The following NMNAT3 variants were observed in gnomAD, a reference collection of about 807,000 sequenced individuals.
NMNAT3 encodes the protein nicotinamide/nicotinic acid mononucleotide adenylyltransferase 3.
NMNAT3 carries 21 observed loss-of-function variants against 24.8 expected under a neutral mutation model. The observed-to-expected ratio is 0.85, with a 90% CI of 0.60 to 1.22. The LOEUF is 1.22. NMNAT3 is among the 50% of genes most tolerant of loss of function. NMNAT3 has a pLI of 0.00. For missense variants in NMNAT3, 387 were observed against 436.6 expected (o/e 0.89, Z 1.01); for synonymous variants, 136 against 155.2 (o/e 0.88, Z 0.92).
chr3:139,612,771 G>A (rs148574496), intron 3 of NMNAT3, among the ~76,000 whole-genome samples: 1 of 152,234 alleles, frequency 6.6e-6, no homozygotes, highest in African/African-American at 2.4e-5. Flanking sequence ...GCATGGTACT[G>A]GTACCAAAAC....
In NMNAT3 at chr3:139,654,657, T is replaced by C. The variant is rs573797901; in HGVS notation, c.-140-16595A>G. Among the ~76,000 whole-genome samples the C allele has an allele frequency of 1.8e-4, 27 of 152,294 alleles. No individual in the cohort carries two copies. The South Asian group carries it at 5.4e-3, about 30-fold the overall frequency. On this transcript the variant is annotated intron_variant, in intron 1 of 6. Transcript: ENST00000643695. ...ATCCAACCTAAGCCTATCACAAAAA[T>C]GAACACAGACACAGAGGACCCAAGC...
intron 3 of NMNAT3, among the ~76,000 whole-genome samples, chr3:139,615,865 TC>T (rs2108273288): frequency 5.3e-5 from 1 of 18,710 alleles, no homozygotes; most frequent in South Asian, 0.062. Context: ...ATTTCTAGCT[TC>T]TTGTGTGGGA....
At chr3:139,625,803 A>C (rs1444287845) in intron 3 of NMNAT3, among the ~76,000 whole-genome samples, 1 of 152,112 alleles carries the variant, frequency 6.6e-6, no homozygotes, top group Non-Finnish European at 1.5e-5. Context: ...TGCCTGAAGA[A>C]TTTAGCATTT....
intron 1 of NMNAT3, among the ~76,000 whole-genome samples, chr3:139,651,015 T>A: frequency 6.6e-6 from 1 of 152,212 alleles, no homozygotes; most frequent in East Asian, 1.9e-4. Context: ...TCTTCCTTAC[T>A]TTGATACCTC....
rs1215449495 is a variant in NMNAT3, at chr3:139,622,766, T to TG, written c.109+4849_109+4850insC. Among the ~76,000 whole-genome samples, 330 of 142,966 alleles carry TG rather than the reference T, an allele frequency of 2.3e-3. 1 individual carries two copies. The highest frequency in any genetic ancestry group is 7.8e-3 in the African/African-American group (303 of 38,974). 93.8% of individuals were successfully genotyped at this position (142,966 alleles called of 152,430 possible). A position where few individuals can be genotyped will look rare whatever the true frequency, so the allele number is the denominator to read the frequency against. Reference sequence around the variant, plus strand: ...AAAGTGTGTGTGTATATATATCATATATATCATATATATGATATATATATG... The same window carrying TG: ...AAAGTGTGTGTGTATATATATCATATGATATCATATATATGATATATATATG... On this transcript the variant is annotated intron_variant, in intron 3 of 6. Coordinates refer to ENST00000643695, the MANE Select transcript of NMNAT3 (RefSeq NM_001320510.2).
chr3:139,661,014 CATA>C (rs2057398100), intron 1 of NMNAT3, among the ~76,000 whole-genome samples: 3 of 152,042 alleles, frequency 2.0e-5, no homozygotes, highest in Admixed American at 2.0e-4. Context: ...TTTTTTGTAT[CATA>C]ATACAGTAAA....
chr3:139,608,366 T>C (rs1337702392), intron 3 of NMNAT3, among the ~76,000 whole-genome samples: 1 of 152,126 alleles, frequency 6.6e-6, no homozygotes, highest in Non-Finnish European at 1.5e-5. Context: ...ACCCCTCCAG[T>C]CCTCAAGTTT....
intron 1 of NMNAT3, among the ~76,000 whole-genome samples, chr3:139,652,636 T>C (rs2057093914): frequency 6.6e-6 from 1 of 152,210 alleles, no homozygotes; most frequent in East Asian, 1.9e-4. Flanking sequence ...AGGACTTTAC[T>C]ACATTGACTC....
At chr3:139,606,988 GC>G (rs1422602770) in intron 3 of NMNAT3, among the ~76,000 whole-genome samples, 3 of 151,974 alleles carry the variant, frequency 2.0e-5, no homozygotes, top group Non-Finnish European at 4.4e-5. Flanking sequence ...TAAGCTCCCT[GC>G]CCCAGCCCTG....
At chr3:139,607,309 C>T (rs1296734784) in intron 3 of NMNAT3, among the ~76,000 whole-genome samples, 1 of 152,094 alleles carries the variant, frequency 6.6e-6, no homozygotes, top group Non-Finnish European at 1.5e-5. Context: ...TTTATTTTAG[C>T]CTCCACTCCT....
intron 1 of NMNAT3, among the ~76,000 whole-genome samples, chr3:139,653,973 A>T (rs915928611): frequency 9.2e-5 from 14 of 152,310 alleles, no homozygotes; most frequent in South Asian, 2.1e-4. Flanking sequence ...CCCTCTGACC[A>T]GCGCTTCTGC....
chr3:139,571,949 G>A (rs1357070814), intron 6 of NMNAT3, among the ~76,000 whole-genome samples: 1 of 152,190 alleles, frequency 6.6e-6, no homozygotes, highest in Non-Finnish European at 1.5e-5. Context: ...TAGTGGCATG[G>A]AGTGCCTCAC....
intron 1 of NMNAT3, among the ~76,000 whole-genome samples, chr3:139,674,869 T>C (rs2057873874): frequency 6.6e-6 from 1 of 152,180 alleles, no homozygotes; most frequent in Admixed American, 6.5e-5. Context: ...CTGCATGTTG[T>C]ATACTGAGGT....
At chr3:139,662,809 C>T (rs1013528798) in intron 1 of NMNAT3, among the ~76,000 whole-genome samples, 8 of 152,176 alleles carry the variant, frequency 5.3e-5, no homozygotes, top group African/African-American at 1.9e-4. Context: ...GACACCTGCC[C>T]ATCAGCTACT....
intron 3 of NMNAT3, among the ~76,000 whole-genome samples, chr3:139,612,723 C>T (rs2055284501): frequency 6.6e-6 from 1 of 152,168 alleles, no homozygotes; most frequent in East Asian, 1.9e-4. Context: ...GCCTAGTAAG[C>T]ACATGGTGAG....
intron 3 of NMNAT3, among the ~76,000 whole-genome samples, chr3:139,592,911 C>T (rs989457263): frequency 1.3e-5 from 2 of 152,188 alleles, no homozygotes; most frequent in Non-Finnish European, 2.9e-5. Flanking sequence ...ACTGCATCAA[C>T]TAACGAGCAA....
chr3:139,664,921 A>G (rs2057528546), intron 1 of NMNAT3, among the ~76,000 whole-genome samples: 1 of 152,242 alleles, frequency 6.6e-6, no homozygotes, highest in African/African-American at 2.4e-5. Context: ...ACAACCTAGC[A>G]AAAACAATAA....
chr3:139,618,203 A>C (rs753644384), intron 3 of NMNAT3, among the ~76,000 whole-genome samples: 40 of 152,234 alleles, frequency 2.6e-4, no homozygotes, highest in Non-Finnish European at 4.7e-4. Context: ...GTGTGAAAAA[A>C]ACAGCTGGGT....
chr3:139,561,331 G>T lies in NMNAT3; in HGVS notation c.720C>A (p.Asn240Lys). 2 of 1,613,966 alleles carry T rather than the reference G, an allele frequency of 1.2e-6. No homozygotes were observed. The highest frequency in any genetic ancestry group is 1.7e-6 in the Non-Finnish European group (2 of 1,179,950). ...CCTGGATGTGCGCATCCTTCCAGAGGTTGGGGGTCTGGAAGGTCTTCAAGA... is the reference window on the plus strand; with the variant it reads ...CCTGGATGTGCGCATCCTTCCAGAGTTTGGGGGTCTGGAAGGTCTTCAAGA... Residue 240 changes from asparagine to lysine, a missense_variant, in exon 7 of 7, where the codon AAC becomes AAA. Coordinates refer to ENST00000643695, the MANE Select transcript of NMNAT3 (RefSeq NM_001320510.2).
Sources: allele counts gnomAD v4.1 joint callset (sites outside exome capture counted in the v4.1 genomes callset), GRCh38; gene constraint gnomAD v4.1.1; transcripts MANE v1.5; gene names NCBI Gene and HGNC (gene_info 2026-07-23, HGNC 2026-07-21).